ZNF558: variants seen among roughly 807,000 people sequenced by gnomAD.
ZNF558 encodes the protein zinc finger protein 558.
In ZNF558, 23 loss-of-function variants were observed where a neutral mutation model predicts 37.6. That is an observed-to-expected ratio of 0.61 (90% CI 0.44 to 0.87). ZNF558 has a LOEUF of 0.87. Among genes scored for constraint, ZNF558 ranks in the 40% least tolerant of loss-of-function variants. The pLI, the probability that ZNF558 is intolerant of heterozygous loss-of-function variation, is 0.00. For missense variants in ZNF558, 429 were observed against 483.7 expected (o/e 0.89, Z 1.06); for synonymous variants, 189 against 174.4 (o/e 1.08, Z -0.66).
intron 2 of ZNF558, 125 bp from the exon 3 acceptor site, chr19:8,825,233 G>A (rs190261305): frequency 2.2e-4 from 33 of 152,300 alleles, no homozygotes; most frequent in African/African-American, 7.7e-4. Context: ...AAGATGATTC[G>A]CTGTGGCACT....
rs1226654042 is a variant in ZNF558 at position 8,812,504 on chromosome 19, T to G, written c.426+57A>C. On this transcript the variant is annotated intron_variant, in intron 9 of 9. Transcript: ENST00000601372. ...TCTCCTGGTTATTTTGTGCCCTTTC[T>G]AAACTTAAGGCATTCTCCTACTGTA... is the stretch of plus-strand genomic sequence containing the variant. 32 of 1,260,206 alleles carry G rather than the reference T, an allele frequency of 2.5e-5. 1 individual carries two copies. The highest frequency in any genetic ancestry group is 3.5e-5 in the Non-Finnish European group (32 of 920,286). The allele number at this position is 1,260,206 out of a possible 1,614,324, so 78.1% of individuals were successfully genotyped here. A position where few individuals can be genotyped will look rare whatever the true frequency, so the allele number is the denominator to read the frequency against.
upstream of ZNF558, among the ~76,000 whole-genome samples, chr19:8,833,993 AC>A (rs1555775330): frequency 9.5e-6 from 1 of 104,866 alleles, no homozygotes. Context: ...ATCTCAAAAA[AC>A]AAAACAAAAC....
intron 7 of ZNF558, among the ~76,000 whole-genome samples, chr19:8,814,411 T>A (rs1462397201): frequency 6.6e-6 from 1 of 152,168 alleles, no homozygotes; most frequent in African/African-American, 2.4e-5. Flanking sequence ...GGTAAATGTA[T>A]TAGTCAGTAC....
At chr19:8,834,691 G>A (rs1232707278), upstream of ZNF558, among the ~76,000 whole-genome samples, 3 of 149,872 alleles carry the variant, frequency 2.0e-5, no homozygotes, top group Non-Finnish European at 4.4e-5. Context: ...AATGAAATTG[G>A]ACCTCTACTT....
At chr19:8,812,724 G>T in intron 8 of ZNF558, 81 bp from the exon 9 acceptor site, 1 of 827,048 alleles carries the variant, frequency 1.2e-6, no homozygotes, top group South Asian at 2.1e-5. Flanking sequence ...CAGATTCTGA[G>T]GGATCAGGGT....
intron 7 of ZNF558, among the ~76,000 whole-genome samples, chr19:8,818,805 G>A (rs1204498681): frequency 3.3e-5 from 5 of 152,104 alleles, no homozygotes; most frequent in Admixed American, 6.5e-5. Flanking sequence ...CCAGGTAGGC[G>A]GATCACTTGA....
chr19:8,835,325 T>G (rs978618460), upstream of ZNF558, among the ~76,000 whole-genome samples: 1 of 152,172 alleles, frequency 6.6e-6, no homozygotes, highest in African/African-American at 2.4e-5. Flanking sequence ...GTGCTGGGAT[T>G]ACAGGTGTGA....
chr19:8,832,360 C>T (rs2044383356), upstream of ZNF558: 1 of 152,396 alleles, frequency 6.6e-6, no homozygotes. Flanking sequence ...CCCCTTCCGG[C>T]TCGCGCGGGC....
intron 6 of ZNF558, chr19:8,821,588 C>A (rs2044092304): frequency 1.5e-6 from 2 of 1,365,134 alleles, no homozygotes; most frequent in Non-Finnish European, 1.9e-6. Context: ...AGAGCAGCTG[C>A]CTTTTCTCAC....
chr19:8,821,619 A>G (rs916873771), intron 6 of ZNF558: 2 of 1,336,850 alleles, frequency 1.5e-6, no homozygotes, highest in African/African-American at 1.5e-5. Context: ...AGCTCCTGTG[A>G]TCTTATTTCC....
chr19:8,824,592 C>T (rs899081294), intron 3 of ZNF558, among the ~76,000 whole-genome samples, 175 bp from the exon 4 acceptor site: 1 of 152,192 alleles, frequency 6.6e-6, no homozygotes, highest in African/African-American at 2.4e-5. Flanking sequence ...TGTGTTGCTG[C>T]CAGCACTGCA....
upstream of ZNF558, among the ~76,000 whole-genome samples, chr19:8,834,828 AG>A (rs1405424195): frequency 1.3e-5 from 2 of 152,172 alleles, no homozygotes; most frequent in African/African-American, 4.8e-5. Flanking sequence ...ATTGTTTCTT[AG>A]ATATGACATC....
In ZNF558 at chr19:8,812,623, C is replaced by G; in HGVS notation, c.364G>C (p.Ala122Pro). 6.2e-7 allele frequency: 1 copy of G among 1,601,602 alleles called. No individual in the cohort carries two copies. Among genetic ancestry groups the G allele is most frequent in the Admixed American group, 1.8e-5 (1 of 56,204 alleles). Reference sequence around the variant, plus strand: ...TTCTTCTTAGGAGTTAACCATTTGGCTTTAAGTAGAGTCTCCAAATCTGAA... The same window carrying G: ...TTCTTCTTAGGAGTTAACCATTTGGGTTTAAGTAGAGTCTCCAAATCTGAA... ...TCPDLETLLKAKWLTPKKNVF... is the reference protein window; with the variant it reads ...TCPDLETLLKPKWLTPKKNVF... The change falls in exon 9 of 10, where the codon GCC (alanine) becomes CCC (proline). Residue 122 changes from alanine (A) to proline (P), a missense_variant. By Grantham distance (27) the Ala-to-Pro change is conservative. Coordinates refer to ENST00000601372, the MANE Select transcript of ZNF558 (RefSeq NM_144693.3).
chr19:8,807,001 C>A lies in ZNF558; in HGVS notation c.*4280G>T, dbSNP rs1442198507. ...TCCATGTTTCCTCCATTTCCCTTAA[C>A]ATATTATTCTTGGTTATTTTAAAGT... On this transcript the variant is annotated 3_prime_UTR_variant, in exon 10 of 10. Coordinates refer to ENST00000601372, the MANE Select transcript of ZNF558 (RefSeq NM_144693.3). 3.3e-5 allele frequency: 5 copies of A among 152,222 alleles called. No homozygotes were observed. The highest frequency in any genetic ancestry group is 1.2e-4 in the African/African-American group (5 of 41,458). 9.4% of individuals were successfully genotyped at this position (152,222 alleles called of 1,614,324 possible).
chr19:8,825,566 C>T (rs761950109), intron 2 of ZNF558, among the ~76,000 whole-genome samples: 4 of 151,850 alleles, frequency 2.6e-5, no homozygotes, highest in African/African-American at 4.8e-5. Context: ...TTTTATAAGA[C>T]GAGAAAGCCT....
chr19:8,819,692 C>A, intron 7 of ZNF558, among the ~76,000 whole-genome samples: 1 of 152,198 alleles, frequency 6.6e-6, no homozygotes. Context: ...AATGCCAGCA[C>A]TTTGGGAGGC....
rs2044209028 is a variant in ZNF558 at position 8,825,405 on chromosome 19, A to G, written c.-508-297T>C. On this transcript the variant is annotated intron_variant, in intron 2 of 9. Coordinates refer to ENST00000601372, the MANE Select transcript of ZNF558 (RefSeq NM_144693.3). Reference sequence around the variant, plus strand: ...AATTACTTTTGCAGCAACTTAATAAATAACAAAGAAACATGTAGCCAGGAA... The same window carrying G: ...AATTACTTTTGCAGCAACTTAATAAGTAACAAAGAAACATGTAGCCAGGAA... Among the ~76,000 whole-genome samples the G allele has an allele frequency of 2.0e-5, 3 of 152,202 alleles. No homozygotes were observed. The South Asian group carries it at 6.2e-4, about 32-fold the overall frequency.
In ZNF558 at chr19:8,808,701, G is replaced by A. The variant is rs1192133826; in HGVS notation, c.*2580C>T. The A allele has an allele frequency of 6.6e-6, 1 of 152,194 alleles. No individual in the cohort carries two copies. Among genetic ancestry groups the A allele is most frequent in the Non-Finnish European group, 1.5e-5 (1 of 68,040 alleles). 9.4% of individuals were successfully genotyped at this position (152,194 alleles called of 1,614,324 possible). A position where few individuals can be genotyped will look rare whatever the true frequency, so the allele number is the denominator to read the frequency against. On this transcript the variant is annotated 3_prime_UTR_variant, in exon 10 of 10. Coordinates refer to ENST00000601372, the MANE Select transcript of ZNF558 (RefSeq NM_144693.3). Reference sequence around the variant, plus strand: ...ACCAGTTAGATTCTGCATCCTGCTGGAAGTTAACAGAACACCACCTCAAAA... The same window carrying A: ...ACCAGTTAGATTCTGCATCCTGCTGAAAGTTAACAGAACACCACCTCAAAA...
chr19:8,831,838 T>C (rs1313584890), intron 1 of ZNF558, among the ~76,000 whole-genome samples: 3 of 152,218 alleles, frequency 2.0e-5, no homozygotes, highest in Non-Finnish European at 4.4e-5. Flanking sequence ...TGTGGGGGAC[T>C]GTCCTGTACA....
Sources: allele counts gnomAD v4.1 joint callset (sites outside exome capture counted in the v4.1 genomes callset), GRCh38; gene constraint gnomAD v4.1.1; transcripts MANE v1.5; gene names NCBI Gene and HGNC (gene_info 2026-07-23, HGNC 2026-07-21).